DYNC2LI1: variants seen among roughly 807,000 people sequenced by gnomAD.
DYNC2LI1 encodes the protein cytoplasmic dynein 2 light intermediate chain 1.
A neutral mutation model predicts 51.9 loss-of-function variants in DYNC2LI1; 45 were observed. The ratio of observed to expected loss-of-function variants is 0.87; its 90% CI spans 0.68 to 1.11. DYNC2LI1 has a LOEUF of 1.11. DYNC2LI1 is among the 50% of genes most tolerant of loss of function. The pLI is 0.00. For synonymous variants in DYNC2LI1, 130 were observed against 137.8 expected, an observed-to-expected ratio of 0.94 and a Z score of 0.40; for missense variants, 490 against 417.4, an observed-to-expected ratio of 1.17 and a Z score of -1.51.
intron 10 of DYNC2LI1, among the ~76,000 whole-genome samples, chr2:43,802,823 AAAAT>A (rs539852546): frequency 6.6e-6 from 1 of 152,228 alleles, no homozygotes; most frequent in Non-Finnish European, 1.5e-5. Flanking sequence ...ACTCAACAGA[AAAAT>A]AAATAATCCA....
At chr2:43,799,535 G>A (rs1666005735) in intron 8 of DYNC2LI1, among the ~76,000 whole-genome samples, 1 of 152,194 alleles carries the variant, frequency 6.6e-6, no homozygotes, top group Non-Finnish European at 1.5e-5. Context: ...GGAATCAATA[G>A]AGTTTACTCA....
rs76602680 is a variant in DYNC2LI1, at chr2:43,779,095, A to C, written c.126+2196A>C. Among the ~76,000 whole-genome samples, 148 of 152,122 alleles carry C rather than the reference A, an allele frequency of 9.7e-4. No individual in the cohort carries two copies. The East Asian group carries it at 0.019, about 20-fold the overall frequency. ...ACGTGGCAAAACCCAGTCTCCCCCC[A>C]AAAAAATAAAACAATTAGCCGGGTG... On this transcript the variant is annotated intron_variant, in intron 2 of 12. Transcript: ENST00000260605.
chr2:43,819,482 T>C, the DYNC2LI1 span, among the ~76,000 whole-genome samples: 229 of 110,592 alleles, frequency 2.1e-3, 1 homozygote, highest in African/African-American at 0.012. Flanking sequence ...TCCTGCAGGC[T>C]TTTTTTTTTT....
chr2:43,801,285 A>AT (rs1666070998), intron 9 of DYNC2LI1: 1 of 162,888 alleles, frequency 6.1e-6, no homozygotes, highest in Admixed American at 6.4e-5. Flanking sequence ...TAGCTCCCTG[A>AT]TTTCTTTTAC....
At position 43,790,822 on chromosome 2, in the gene DYNC2LI1, A is replaced by G. The variant is rs538907061; in HGVS notation, c.320+1101A>G. Reference sequence around the variant, plus strand: ...CTCTATGATTTTATTTTTCAGGAACATGGAATTTTACAGTTATATAGTTTT... The same window carrying G: ...CTCTATGATTTTATTTTTCAGGAACGTGGAATTTTACAGTTATATAGTTTT... On this transcript the variant is annotated intron_variant, in intron 5 of 12. Transcript: ENST00000260605. Among the ~76,000 whole-genome samples the G allele has an allele frequency of 1.8e-4, 27 of 152,298 alleles. No homozygotes were observed. In the East Asian group the frequency reaches 3.9e-3, roughly 22 times the overall value.
chr2:43,788,221 A>G (rs115841404), intron 4 of DYNC2LI1, among the ~76,000 whole-genome samples: 1 of 152,340 alleles, frequency 6.6e-6, no homozygotes, highest in Non-Finnish European at 1.5e-5. Context: ...TCCAGGGAAG[A>G]ATTGTTTTTC....
the DYNC2LI1 span, among the ~76,000 whole-genome samples, chr2:43,817,272 G>A: frequency 2.6e-5 from 4 of 152,248 alleles, no homozygotes; most frequent in East Asian, 5.8e-4. Flanking sequence ...ATCACTTGAA[G>A]TCAGGAGTTT....
At chr2:43,782,601 C>G (rs1262819227) in intron 2 of DYNC2LI1, among the ~76,000 whole-genome samples, 2 of 150,196 alleles carry the variant, frequency 1.3e-5, no homozygotes, top group African/African-American at 4.9e-5. Context: ...ATATAAACCA[C>G]TGAGCTAATC....
At chr2:43,812,635 C>CA (rs1666541923), downstream of DYNC2LI1, 6 of 180,128 alleles carry the variant, frequency 3.3e-5, no homozygotes, top group South Asian at 7.4e-4. Context: ...CTGGGTCTTC[C>CA]AGGAACAGAA....
At chr2:43,807,978 A>G (rs566464983) in intron 12 of DYNC2LI1, among the ~76,000 whole-genome samples, 8 of 152,148 alleles carry the variant, frequency 5.3e-5, no homozygotes, top group Admixed American at 3.9e-4. Context: ...TGATAGCCCT[A>G]GTTTTCTCAC....
chr2:43,827,399 T>A, the DYNC2LI1 span, among the ~76,000 whole-genome samples: 1 of 151,644 alleles, frequency 6.6e-6, no homozygotes, highest in African/African-American at 2.4e-5. Context: ...CCAAGCACCA[T>A]TTGAAGAACA....
chr2:43,822,651 A>T, the DYNC2LI1 span: 1 of 1,540,406 alleles, frequency 6.5e-7, no homozygotes, highest in Non-Finnish European at 8.8e-7. Flanking sequence ...ATGTCCTGGA[A>T]GATACGACAT....
At chr2:43,777,615 C>G (rs1673081738) in intron 2 of DYNC2LI1, among the ~76,000 whole-genome samples, 1 of 152,230 alleles carries the variant, frequency 6.6e-6, no homozygotes, top group African/African-American at 2.4e-5. Flanking sequence ...AATTCCTGTT[C>G]ACTTTCTGTG....
chr2:43,791,766 A>T (rs1673804690), intron 5 of DYNC2LI1, among the ~76,000 whole-genome samples: 1 of 152,258 alleles, frequency 6.6e-6, no homozygotes, highest in South Asian at 2.1e-4. Flanking sequence ...TCTTTGAAAT[A>T]ACTGTTTATA....
Position 43,800,688 on chromosome 2 carries a change from G to C in DYNC2LI1, c.655-153G>C, listed in dbSNP as rs139876140. Among the ~76,000 whole-genome samples the C allele has an allele frequency of 1.5e-3, 222 of 152,188 alleles. 1 individual carries two copies. In the Middle Eastern group the frequency reaches 0.024, roughly 16 times the overall value. On this transcript the variant is annotated intron_variant, in intron 8 of 12. Coordinates refer to ENST00000260605, the MANE Select transcript of DYNC2LI1 (RefSeq NM_016008.4). ...AAAGTTACCAAGATTTCTTTATTCAGGTTTTGTTTTGTCTACTCAAACAGA... is the reference window on the plus strand; with the variant it reads ...AAAGTTACCAAGATTTCTTTATTCACGTTTTGTTTTGTCTACTCAAACAGA...
the DYNC2LI1 span, among the ~76,000 whole-genome samples, chr2:43,821,547 C>A: frequency 6.6e-6 from 1 of 152,174 alleles, no homozygotes; most frequent in Non-Finnish European, 1.5e-5. Context: ...ATGCTGGACC[C>A]CTTCTGCCAT....
downstream of DYNC2LI1, chr2:43,813,251 T>C: frequency 2.5e-6 from 4 of 1,614,014 alleles, no homozygotes; most frequent in Admixed American, 1.7e-5. Context: ...TCTCAATGAA[T>C]TGAATTCCTT....
intron 2 of DYNC2LI1, among the ~76,000 whole-genome samples, chr2:43,779,947 G>C (rs981780514): frequency 6.6e-6 from 1 of 152,198 alleles, no homozygotes; most frequent in Non-Finnish European, 1.5e-5. Context: ...GTCTTTGCTG[G>C]TTGGGTACAG....
chr2:43,782,684 C>G (rs886078156), intron 2 of DYNC2LI1, among the ~76,000 whole-genome samples: 2 of 152,062 alleles, frequency 1.3e-5, no homozygotes, highest in African/African-American at 4.8e-5. Flanking sequence ...TTCCTTACTC[C>G]TAAAAAGAAA....
Sources: allele counts gnomAD v4.1 joint callset (sites outside exome capture counted in the v4.1 genomes callset), GRCh38; gene constraint gnomAD v4.1.1; transcripts MANE v1.5; gene names NCBI Gene and HGNC (gene_info 2026-07-23, HGNC 2026-07-21).